TRANK1: variants seen among roughly 807,000 people sequenced by gnomAD.
TRANK1 encodes tetratricopeptide repeat and ankyrin repeat containing 1.
In TRANK1, 198 loss-of-function variants were observed where a neutral mutation model predicts 266.0. That is an observed-to-expected ratio of 0.74 (90% CI 0.66 to 0.84). The LOEUF (loss-of-function observed/expected upper bound fraction) is 0.84. Among genes scored for constraint, TRANK1 ranks in the 40% least tolerant of loss-of-function variants. TRANK1 has a pLI of 0.00. For synonymous variants in TRANK1, 1,396 were observed against 1,384.1 expected (o/e 1.01, Z -0.19); for missense variants, 3,326 against 3,634.6 (o/e 0.92, Z 2.18).
intron 7 of TRANK1, among the ~76,000 whole-genome samples, chr3:36,891,539 G>C (rs1324661212): frequency 6.6e-6 from 1 of 152,192 alleles, no homozygotes; most frequent in Non-Finnish European, 1.5e-5. Context: ...AAACTGCTAT[G>C]GGTGAATGTC....
Position 36,855,231 on chromosome 3 carries a change from A to C in TRANK1, c.4491T>G (p.Cys1497Trp). 6.2e-7 allele frequency: 1 copy of C among 1,614,036 alleles called. No individual in the cohort carries two copies. The highest frequency in any genetic ancestry group is 2.2e-5 in the East Asian group (1 of 44,866). The change falls in exon 13 of 24, where the codon TGT (cysteine) becomes TGG (tryptophan). Residue 1497 changes from cysteine (C) to tryptophan (W), a missense_variant. Coordinates refer to ENST00000645898, the MANE Select transcript of TRANK1 (RefSeq NM_001329998.2). ...GGATCTTCTTGGGCTTCCGGACAGC[A>C]CACTGCTTGTCTATGGTGTTTCTGC... ...YASRNTIDKQ[C>W]AVRKPKKIHQ...
In TRANK1 at chr3:36,843,001, C is replaced by T. The variant is rs777085683; in HGVS notation, c.5192-291G>A. ...GCAAGAGAGCACAGAGGAAAGACCA[C>T]GTGAGGACACAGAGTGGCTGGCTGC... On this transcript the variant is annotated intron_variant, in intron 17 of 23. Coordinates refer to ENST00000645898, the MANE Select transcript of TRANK1 (RefSeq NM_001329998.2). 4.6e-5 allele frequency among the ~76,000 whole-genome samples: 7 copies of T among 152,216 alleles called. No individual in the cohort carries two copies. The South Asian group carries it at 8.3e-4, about 18-fold the overall frequency.
chr3:36,919,808 T>A (rs1004206998), intron 1 of TRANK1, among the ~76,000 whole-genome samples: 10 of 152,244 alleles, frequency 6.6e-5, no homozygotes, highest in Non-Finnish European at 1.5e-4. Context: ...CACTGTGGTA[T>A]CTTATTGTGG....
intron 3 of TRANK1, among the ~76,000 whole-genome samples, chr3:36,901,329 G>C (rs1310144246): frequency 6.6e-6 from 1 of 152,092 alleles, no homozygotes; most frequent in Non-Finnish European, 1.5e-5. Flanking sequence ...ATGAAGAAGA[G>C]AGAAATTGAG....
In TRANK1 at chr3:36,892,868, T is replaced by G. The variant is rs555404697; in HGVS notation, c.636+33A>C. 4.4e-4 allele frequency: 295 copies of G among 673,616 alleles called. 3 individuals are homozygous for G. The East Asian group carries it at 7.7e-3, about 18-fold the overall frequency. 41.7% of individuals were successfully genotyped at this position (673,616 alleles called of 1,614,324 possible). A position where few individuals can be genotyped will look rare whatever the true frequency, so the allele number is the denominator to read the frequency against. On this transcript the variant is annotated intron_variant, in intron 6 of 23. Coordinates refer to ENST00000645898, the MANE Select transcript of TRANK1 (RefSeq NM_001329998.2). ...AAAACAAAACATATATATATATATA[T>G]ATAGATATATATAGATATATATATC...
chr3:36,862,045 G>A (rs1450185314), intron 10 of TRANK1, among the ~76,000 whole-genome samples: 1 of 151,854 alleles, frequency 6.6e-6, no homozygotes, highest in Non-Finnish European at 1.5e-5. Context: ...GCAAGTAGAT[G>A]GTCAGATTTA....
intron 1 of TRANK1, among the ~76,000 whole-genome samples, chr3:36,930,498 T>C (rs1276351811): frequency 1.3e-5 from 2 of 152,148 alleles, no homozygotes; most frequent in Non-Finnish European, 2.9e-5. Flanking sequence ...TTCATGTTGT[T>C]TTAAGCCACT....
chr3:36,867,998 C>G (rs2079251734), intron 9 of TRANK1, among the ~76,000 whole-genome samples: 1 of 152,162 alleles, frequency 6.6e-6, no homozygotes. Flanking sequence ...CTCAGTTGTC[C>G]CAGTCTGAGT....
chr3:36,842,608 G>C lies in TRANK1; in HGVS notation c.5280+14C>G. 10 of 1,612,908 alleles carry C rather than the reference G, an allele frequency of 6.2e-6. No individual in the cohort carries two copies. Among genetic ancestry groups the C allele is most frequent in the Non-Finnish European group, 8.5e-6 (10 of 1,179,304 alleles). On this transcript the variant is annotated intron_variant, in intron 18 of 23. Transcript: ENST00000645898. Reference sequence around the variant, plus strand: ...GCACCAGTGACAAGGACCCCTCCTAGTCCAACCCCTTACCTTCCAGCACTG... The same window carrying C: ...GCACCAGTGACAAGGACCCCTCCTACTCCAACCCCTTACCTTCCAGCACTG...
chr3:36,892,604 C>T (rs1362434737), intron 6 of TRANK1, among the ~76,000 whole-genome samples: 2 of 152,126 alleles, frequency 1.3e-5, no homozygotes, highest in Admixed American at 6.5e-5. Flanking sequence ...CCAAGGTGGC[C>T]GATCACCTGA....
In TRANK1 at chr3:36,895,663, A is replaced by G. The variant is rs1204457827; in HGVS notation, c.529T>C (p.Leu177=). ...ACATGCCATAATCCTTTCTTTGCCA[A>G]CTTTTCTATTACAGATTGCCACACT... ...TEVWQSVIEK[L]AKKGLWHSFL... The change falls in exon 5 of 24, where the codon TTG becomes CTG. Residue 177 remains leucine (L), a synonymous_variant. Transcript: ENST00000645898. 3.3e-6 allele frequency: 5 copies of G among 1,535,660 alleles called. No homozygotes were observed. Among genetic ancestry groups the G allele is most frequent in the Non-Finnish European group, 4.4e-6 (5 of 1,146,422 alleles).
rs1400658612 is a variant in TRANK1 at position 36,889,863 on chromosome 3, G to A, written c.873C>T (p.Val291=). ...KDGDGCTVLH[V]VAAHSPGYLV... is the part of the protein sequence containing the mutation. ...GGTATCCTGGGGAGTGGGCAGCGAC[G>A]ACGTGCAGGACAGTGCAGCCATCCC... is the stretch of plus-strand genomic sequence containing the variant. Residue 291 remains valine (V), a synonymous_variant, in exon 8 of 24, where the codon GTC becomes GTT. Transcript: ENST00000645898. 19 of 1,536,884 alleles carry A rather than the reference G, an allele frequency of 1.2e-5. No homozygotes were observed. The highest frequency in any genetic ancestry group is 3.9e-5 in the Admixed American group (2 of 50,916).
intron 18 of TRANK1, among the ~76,000 whole-genome samples, chr3:36,842,374 G>A (rs761014321): frequency 9.9e-5 from 15 of 152,242 alleles, no homozygotes; most frequent in Admixed American, 2.6e-4. Context: ...AAAGGCCATA[G>A]CCCTTCATGA....
intron 1 of TRANK1, among the ~76,000 whole-genome samples, chr3:36,933,234 C>T (rs549614595): frequency 2.0e-5 from 3 of 152,322 alleles, no homozygotes; most frequent in African/African-American, 7.2e-5. Context: ...TTAGAATTTA[C>T]GGCCTGAACC....
intron 20 of TRANK1, among the ~76,000 whole-genome samples, chr3:36,837,635 G>A (rs2125514278): frequency 6.6e-6 from 1 of 152,338 alleles, no homozygotes; most frequent in Non-Finnish European, 1.5e-5. Flanking sequence ...AAAATGAATT[G>A]ATGGGAAGAT....
chr3:36,935,135 C>T lies in TRANK1; in HGVS notation c.23+9652G>A, dbSNP rs533084506. On this transcript the variant is annotated intron_variant, in intron 1 of 23. Transcript: ENST00000645898. ...CAATTTCTATGAACATCAGCTCTTCCCCAAGGGACTTGCAGATTCTCTGGG... is the reference window on the plus strand; with the variant it reads ...CAATTTCTATGAACATCAGCTCTTCTCCAAGGGACTTGCAGATTCTCTGGG... 3.9e-5 allele frequency among the ~76,000 whole-genome samples: 6 copies of T among 152,274 alleles called. No individual in the cohort carries two copies. In the South Asian group the frequency reaches 1.2e-3, roughly 32 times the overall value.
chr3:36,903,393 T>C (rs2079913320), intron 2 of TRANK1, 118 bp from the exon 3 acceptor site: 1 of 1,270,720 alleles, frequency 7.9e-7, no homozygotes, highest in South Asian at 1.5e-5. Flanking sequence ...AGGAAATGAC[T>C]CATTCATGCT....
intron 8 of TRANK1, among the ~76,000 whole-genome samples, chr3:36,874,531 T>C (rs1437950977): frequency 6.6e-6 from 1 of 152,104 alleles, no homozygotes; most frequent in Non-Finnish European, 1.5e-5. Context: ...AGTGCGCTCC[T>C]CTCTACCTTT....
rs1017891514 is a variant in TRANK1 at position 36,833,490 on chromosome 3, C to T, written c.6093G>A (p.Glu2031=). 1 of 1,613,834 alleles carries T rather than the reference C, an allele frequency of 6.2e-7. No individual in the cohort carries two copies. Among genetic ancestry groups the T allele is most frequent in the Non-Finnish European group, 8.5e-7 (1 of 1,179,846 alleles). The change falls in exon 22 of 24, where the codon GAG becomes GAA. Residue 2031 remains glutamate (E), a synonymous_variant. Coordinates refer to ENST00000645898, the MANE Select transcript of TRANK1 (RefSeq NM_001329998.2). Reference sequence around the variant, plus strand: ...GGATTACCCCTTGCAGGAAGTGGGCCTCCGCAATGCCAGACAACTGGCCAG... The same window carrying T: ...GGATTACCCCTTGCAGGAAGTGGGCTTCCGCAATGCCAGACAACTGGCCAG... ...YQTGQLSGIA[E]AHFLQGVILR...
Sources: allele counts gnomAD v4.1 joint callset (sites outside exome capture counted in the v4.1 genomes callset), GRCh38; gene constraint gnomAD v4.1.1; transcripts MANE v1.5; gene names NCBI Gene and HGNC (gene_info 2026-07-23, HGNC 2026-07-21).